KBTBD2: variants seen among roughly 807,000 people sequenced by gnomAD.
The protein encoded by KBTBD2 is kelch repeat and BTB domain containing 2.
A neutral mutation model predicts 57.1 loss-of-function variants in KBTBD2; 17 were observed. The observed-to-expected ratio is 0.30, with a 90% CI of 0.20 to 0.45. The LOEUF is 0.45. KBTBD2 is among the 20% of genes least tolerant of loss of function. The probability of loss-of-function intolerance (pLI) is 1.00; values close to 1 mark genes in which losing one functional copy is unlikely to be tolerated. For synonymous variants in KBTBD2, 267 were observed against 262.7 expected, an observed-to-expected ratio of 1.02 and a Z score of -0.16; for missense variants, 515 against 750.6, an observed-to-expected ratio of 0.69 and a Z score of 3.67.
At position 32,886,850 on chromosome 7, in the gene KBTBD2, TTAACATTA is replaced by T. The variant is rs936373359; in HGVS notation, c.-339+4678_-339+4685del. Among the ~76,000 whole-genome samples, 13 of 152,182 alleles carry T rather than the reference TTAACATTA, an allele frequency of 8.5e-5. 1 individual carries two copies. The highest frequency in any genetic ancestry group is 1.5e-4 in the Non-Finnish European group (10 of 68,036). ...GAAATTGTTTTACAGATTCTGATTATTAACATTAAAGGATAAGGAACCAAGATTAAAAG... is the reference window on the plus strand; with the variant it reads ...GAAATTGTTTTACAGATTCTGATTATAAGGATAAGGAACCAAGATTAAAAG... On this transcript the variant is annotated intron_variant, in intron 1 of 3. Coordinates refer to ENST00000304056, the MANE Select transcript of KBTBD2 (RefSeq NM_015483.3).
intron 3 of KBTBD2, among the ~76,000 whole-genome samples, chr7:32,872,496 A>T (rs181944021): frequency 6.6e-6 from 1 of 152,250 alleles, no homozygotes; most frequent in East Asian, 1.9e-4. Flanking sequence ...CCTGGGCAAC[A>T]TAAGATCTTG....
chr7:32,883,000 C>T (rs1208707375), intron 1 of KBTBD2, among the ~76,000 whole-genome samples: 1 of 151,936 alleles, frequency 6.6e-6, no homozygotes, highest in Non-Finnish European at 1.5e-5. Context: ...CAAAACAAAA[C>T]AAAAACAAAA....
At chr7:32,880,107 T>A (rs781163091) in intron 1 of KBTBD2, among the ~76,000 whole-genome samples, 165 bp from the exon 2 acceptor site, 3 of 152,174 alleles carry the variant, frequency 2.0e-5, no homozygotes, top group African/African-American at 7.2e-5. Context: ...AGTCTACATT[T>A]AAAATTAAAA....
At chr7:32,883,203 C>T (rs964761798) in intron 1 of KBTBD2, among the ~76,000 whole-genome samples, 2 of 151,900 alleles carry the variant, frequency 1.3e-5, no homozygotes, top group African/African-American at 4.8e-5. Context: ...CATGGCAAAA[C>T]CCTGTCTCTA....
chr7:32,891,268 G>A (rs887616251), intron 1 of KBTBD2: 1 of 148,984 alleles, frequency 6.7e-6, no homozygotes, highest in Non-Finnish European at 1.5e-5. Context: ...CCCAGCTAGC[G>A]GCGTACCGGG....
In KBTBD2 at chr7:32,875,174, G is replaced by A; in HGVS notation, c.171-17C>T. 2 of 1,609,806 alleles carry A rather than the reference G, an allele frequency of 1.2e-6. No homozygotes were observed. Among genetic ancestry groups the A allele is most frequent in the Non-Finnish European group, 1.7e-6 (2 of 1,177,868 alleles). On this transcript the variant is annotated splice_polypyrimidine_tract_variant and intron_variant, in intron 2 of 3. Coordinates refer to ENST00000304056, the MANE Select transcript of KBTBD2 (RefSeq NM_015483.3). ...AACATGGCCCTACAGGGGAGATGAAGAAAACAAAGTTGTAAGGGTTTTGTG... is the reference window on the plus strand; with the variant it reads ...AACATGGCCCTACAGGGGAGATGAAAAAAACAAAGTTGTAAGGGTTTTGTG...
At chr7:32,872,690 T>C (rs1189319386) in intron 3 of KBTBD2, among the ~76,000 whole-genome samples, 1 of 152,122 alleles carries the variant, frequency 6.6e-6, no homozygotes, top group Non-Finnish European at 1.5e-5. Flanking sequence ...AAGTTGAGTA[T>C]CCCTAATTCA....
intron 1 of KBTBD2, among the ~76,000 whole-genome samples, chr7:32,885,203 G>A (rs887325321): frequency 6.6e-6 from 1 of 151,486 alleles, no homozygotes. Context: ...GAAATATTTA[G>A]TCAGTGACTA....
rs200404387 is a variant in KBTBD2 at position 32,878,564 on chromosome 7, AAC to A, written c.170+869_170+870del. Among the ~76,000 whole-genome samples, 836 of 149,460 alleles carry A rather than the reference AAC, an allele frequency of 5.6e-3. 5 individuals carry two copies. Among genetic ancestry groups the A allele is most frequent in the Admixed American group, 0.015 (214 of 14,748 alleles). ...CACTGCACTGCACTCCAGCCTGGAC[AAC>A]AGAGTGAGATCGTCTCAAAAAAAAA... On this transcript the variant is annotated intron_variant, in intron 2 of 3. Coordinates refer to ENST00000304056, the MANE Select transcript of KBTBD2 (RefSeq NM_015483.3).
At chr7:32,886,052 G>T (rs1784573654) in intron 1 of KBTBD2, among the ~76,000 whole-genome samples, 1 of 151,970 alleles carries the variant, frequency 6.6e-6, no homozygotes, top group Non-Finnish European at 1.5e-5. Flanking sequence ...GGGATTACAG[G>T]CACGCACCAC....
intron 1 of KBTBD2, among the ~76,000 whole-genome samples, chr7:32,889,109 C>G (rs964979636): frequency 6.6e-6 from 1 of 151,940 alleles, no homozygotes; most frequent in Admixed American, 6.6e-5. Flanking sequence ...GTCAGGAGAT[C>G]GAGACCATCC....
chr7:32,887,174 A>G (rs1048457733), intron 1 of KBTBD2, among the ~76,000 whole-genome samples: 8 of 152,210 alleles, frequency 5.3e-5, no homozygotes, highest in Admixed American at 2.0e-4. Flanking sequence ...AAAGAAACCA[A>G]TCAGCAATTA....
At chr7:32,888,723 AGCTTCCTCT>A (rs1292870290) in intron 1 of KBTBD2, among the ~76,000 whole-genome samples, 3 of 150,962 alleles carry the variant, frequency 2.0e-5, no homozygotes, top group Non-Finnish European at 4.4e-5. Flanking sequence ...ATTTCAGCAT[AGCTTCCTCT>A]GCTCTAGTCA....
At chr7:32,889,172 C>T (rs762313688) in intron 1 of KBTBD2, among the ~76,000 whole-genome samples, 1 of 151,668 alleles carries the variant, frequency 6.6e-6, no homozygotes, top group Non-Finnish European at 1.5e-5. Context: ...ATTAGCCCAG[C>T]GTGGGCTACT....
chr7:32,870,067 C>A lies in KBTBD2; in HGVS notation c.1150G>T (p.Ala384Ser), dbSNP rs1466528376. 1 of 1,614,076 alleles carries A rather than the reference C, an allele frequency of 6.2e-7. No individual in the cohort carries two copies. Among genetic ancestry groups the A allele is most frequent in the Admixed American group, 1.7e-5 (1 of 60,002 alleles). The change falls in exon 4 of 4, where the codon GCA becomes TCA. Residue 384 changes from alanine (A) to serine (S), a missense_variant. Physicochemically the swap from Ala to Ser is moderately conservative, Grantham distance 99 (BLOSUM62 1). Transcript: ENST00000304056. ...CCACCTACGCTATCTCCTCCAATTG[C>A]ATAGATATAGCCTTCACAGCAAACC... ...SLVCCEGYIY[A>S]IGGDSVGGEL...
Position 32,870,188 on chromosome 7 carries a change from G to T in KBTBD2, c.1029C>A (p.Ala343=). ...NHSKTSKLQT[A]FRTVNCFYWF... ...AATAAAAGCAATTCACAGTTCTGAA[G>T]GCAGTCTGAAGTTTGCTTGTTTTAC... Residue 343 remains alanine (A), a synonymous_variant, in exon 4 of 4, where the codon GCC becomes GCA. Transcript: ENST00000304056. 6.2e-7 allele frequency: 1 copy of T among 1,614,106 alleles called. No homozygotes were observed. Among genetic ancestry groups the T allele is most frequent in the Non-Finnish European group, 8.5e-7 (1 of 1,180,018 alleles).
At chr7:32,883,431 G>T (rs183907170) in intron 1 of KBTBD2, among the ~76,000 whole-genome samples, 1 of 152,050 alleles carries the variant, frequency 6.6e-6, no homozygotes, top group African/African-American at 2.4e-5. Context: ...AGTTTAGGAC[G>T]ATCAACCAAC....
intron 3 of KBTBD2, among the ~76,000 whole-genome samples, chr7:32,872,732 G>A (rs1784212201): frequency 6.6e-6 from 1 of 152,120 alleles, no homozygotes; most frequent in Non-Finnish European, 1.5e-5. Context: ...TCCAAAAACT[G>A]AAATGTTTTG....
chr7:32,888,060 C>T (rs900903016), intron 1 of KBTBD2, among the ~76,000 whole-genome samples: 4 of 152,230 alleles, frequency 2.6e-5, no homozygotes, highest in Admixed American at 6.5e-5. Context: ...TTCAAGGTCT[C>T]AGCACTCCAA....
Sources: gnomAD v4.1 joint callset for allele counts (sites outside exome capture counted in the v4.1 genomes callset) on GRCh38, gnomAD v4.1.1 for gene constraint, MANE v1.5 for transcripts, NCBI Gene and HGNC (gene_info 2026-07-23, HGNC 2026-07-21) for gene names.